EEA1: variants seen among roughly 807,000 people sequenced by gnomAD.
EEA1 encodes early endosome antigen 1, 162kD.
EEA1 carries 111 observed loss-of-function variants against 209.2 expected under a neutral mutation model. The observed-to-expected ratio is 0.53, with a 90% CI of 0.45 to 0.62. The LOEUF (loss-of-function observed/expected upper bound fraction) is 0.62. Ranked by LOEUF, EEA1 falls within the 20% of genes least tolerant of loss-of-function variation. The pLI, the probability that EEA1 is intolerant of heterozygous loss-of-function variation, is 0.00. For synonymous variants in EEA1, 536 were observed against 540.6 expected (o/e 0.99, Z 0.12); for missense variants, 1,343 against 1,530.8 (o/e 0.88, Z 2.05).
chr12:92,795,322 A>G (rs1416940460), intron 21 of EEA1, among the ~76,000 whole-genome samples: 1 of 152,178 alleles, frequency 6.6e-6, no homozygotes, highest in Non-Finnish European at 1.5e-5. Flanking sequence ...CCCAACCTTC[A>G]GTAGAATTAT....
intron 1 of EEA1, among the ~76,000 whole-genome samples, chr12:92,921,759 G>GAAAAAAAAAAAAAAA (rs751838383): frequency 7.6e-4 from 58 of 76,686 alleles, no homozygotes; most frequent in Non-Finnish European, 1.0e-3. Context: ...TAAAAAAAAA[G>GAAAAAAAAAAAAAAA]AAAAAAAAAA....
chr12:92,922,237 C>G (rs1379771143), intron 1 of EEA1, among the ~76,000 whole-genome samples: 1 of 152,134 alleles, frequency 6.6e-6, no homozygotes, highest in Non-Finnish European at 1.5e-5. Context: ...TATCTTCTTC[C>G]CCAACATTTT....
chr12:92,808,438 A>T (rs1454320034), intron 18 of EEA1, among the ~76,000 whole-genome samples: 1 of 151,840 alleles, frequency 6.6e-6, no homozygotes, highest in Non-Finnish European at 1.5e-5. Context: ...GTCTTCATAA[A>T]CATAGACAAT....
chr12:92,839,619 T>C (rs1877080281), intron 10 of EEA1, among the ~76,000 whole-genome samples: 1 of 152,232 alleles, frequency 6.6e-6, no homozygotes, highest in Non-Finnish European at 1.5e-5. Flanking sequence ...TGCTGAATTC[T>C]TTTGTTTTAG....
intron 12 of EEA1, among the ~76,000 whole-genome samples, chr12:92,826,708 C>T (rs1876318192): frequency 7.2e-6 from 1 of 138,536 alleles, no homozygotes; most frequent in Non-Finnish European, 1.6e-5. Context: ...GAAAGAGACT[C>T]CGTCTCAAAA....
Position 92,775,927 on chromosome 12 carries a change from A to G in EEA1, c.*84T>C. ...TAGTATTGCAACCAGTGTCCAAACC[A>G]AATAGTAGTCCAAGACCTCTATTAA... On this transcript the variant is annotated 3_prime_UTR_variant, in exon 29 of 29. Transcript: ENST00000322349. 6.9e-7 allele frequency: 1 copy of G among 1,445,542 alleles called. No homozygotes were observed. Among genetic ancestry groups the G allele is most frequent in the African/African-American group, 1.4e-5 (1 of 69,760 alleles). 89.5% of individuals were successfully genotyped at this position (1,445,542 alleles called of 1,614,324 possible).
At chr12:92,838,348 G>T (rs542938438) in intron 10 of EEA1, among the ~76,000 whole-genome samples, 19 of 152,194 alleles carry the variant, frequency 1.2e-4, no homozygotes, top group Non-Finnish European at 2.4e-4. Context: ...TAATAACACT[G>T]ATCATCAACA....
chr12:92,870,375 C>T (rs1396552521), intron 2 of EEA1, among the ~76,000 whole-genome samples: 4 of 152,084 alleles, frequency 2.6e-5, no homozygotes, highest in Non-Finnish European at 4.4e-5. Flanking sequence ...TCAAAGAAAA[C>T]ACATTATCAG....
At position 92,787,974 on chromosome 12, in the gene EEA1, A is replaced by G. The variant is rs543467954; in HGVS notation, c.3043T>C (p.Ser1015Pro). 5 of 1,612,994 alleles carry G rather than the reference A, an allele frequency of 3.1e-6. No individual in the cohort carries two copies. The highest frequency in any genetic ancestry group is 3.3e-5 in the Admixed American group (2 of 59,898). ...QELAAEKEKISVLQNNYEKSQ... is the reference protein window; with the variant it reads ...QELAAEKEKIPVLQNNYEKSQ... ...TTTTCATAGTTGTTTTGTAATACTG[A>G]TATTTTCTCTTTCTCTGCTGCAAGT... The change falls in exon 22 of 29, where the codon TCA (serine) becomes CCA (proline). Residue 1015 changes from serine (S) to proline (P), a missense_variant. Transcript: ENST00000322349.
rs191324446 is a variant in EEA1 at position 92,890,210 on chromosome 12, A to C, written c.117+1419T>G. On this transcript the variant is annotated intron_variant, in intron 2 of 28. Transcript: ENST00000322349. ...TTTGTTTTCATATGAATCATATTGAACAAATTTGTATGTTATTGGGAATTA... is the reference window on the plus strand; with the variant it reads ...TTTGTTTTCATATGAATCATATTGACCAAATTTGTATGTTATTGGGAATTA... Among the ~76,000 whole-genome samples, 738 of 152,274 alleles carry C rather than the reference A, an allele frequency of 4.8e-3. 5 individuals are homozygous for C. Among genetic ancestry groups the C allele is most frequent in the Non-Finnish European group, 9.2e-3 (624 of 68,014 alleles).
intron 1 of EEA1, among the ~76,000 whole-genome samples, chr12:92,921,950 A>G (rs948342850): frequency 2.6e-5 from 4 of 151,890 alleles, no homozygotes; most frequent in Non-Finnish European, 5.9e-5. Context: ...TAATGCATTT[A>G]ATATTTCAAT....
intron 10 of EEA1, among the ~76,000 whole-genome samples, chr12:92,838,506 G>A (rs1410954904): frequency 6.6e-6 from 1 of 152,118 alleles, no homozygotes; most frequent in East Asian, 1.9e-4. Flanking sequence ...TAGTTTGACA[G>A]GATATAAAAG....
intron 1 of EEA1, among the ~76,000 whole-genome samples, chr12:92,908,999 G>C (rs1043508141): frequency 6.6e-6 from 1 of 152,106 alleles, no homozygotes; most frequent in African/African-American, 2.4e-5. Context: ...AATTAGTAAA[G>C]ATGGGGTTTC....
At chr12:92,803,397 AG>A (rs1875035297) in intron 18 of EEA1, among the ~76,000 whole-genome samples, 1 of 152,108 alleles carries the variant, frequency 6.6e-6, no homozygotes, top group Non-Finnish European at 1.5e-5. Context: ...AGCTTTAGAA[AG>A]CTATAGACTT....
chr12:92,869,604 A>C (rs1416441321), intron 2 of EEA1, among the ~76,000 whole-genome samples: 4 of 150,980 alleles, frequency 2.6e-5, no homozygotes, highest in Non-Finnish European at 5.9e-5. Flanking sequence ...AAAATACAAA[A>C]AATTAGCTGG....
At chr12:92,829,247 C>T (rs1876487117) in intron 11 of EEA1, among the ~76,000 whole-genome samples, 1 of 151,856 alleles carries the variant, frequency 6.6e-6, no homozygotes, top group Admixed American at 6.6e-5. Flanking sequence ...GCAGAGGTTG[C>T]AGTGAGCTGA....
chr12:92,929,020 G>T, intron 1 of EEA1, 23 bp downstream of exon 1: 1 of 1,586,754 alleles, frequency 6.3e-7, no homozygotes, highest in Non-Finnish European at 8.6e-7. Context: ...CGTGCTGCCA[G>T]AAAGACGGTT....
chr12:92,853,030 A>C lies in EEA1; in HGVS notation c.407-5T>G. The C allele has an allele frequency of 6.4e-7, 1 of 1,564,746 alleles. No individual in the cohort carries two copies. Among genetic ancestry groups the C allele is most frequent in the South Asian group, 1.2e-5 (1 of 85,910 alleles). ...GCTGTTCCAAAGACTGTAGTTCTAC[A>C]AAAAAGTGTCGCAGTTATTCAAATA... On this transcript the variant is annotated splice_polypyrimidine_tract_variant and splice_region_variant and intron_variant, in intron 6 of 28. Transcript: ENST00000322349.
intron 13 of EEA1, among the ~76,000 whole-genome samples, chr12:92,821,827 A>G (rs1007598845): frequency 3.3e-5 from 5 of 149,906 alleles, no homozygotes; most frequent in African/African-American, 1.2e-4. Flanking sequence ...ATATATGTAT[A>G]TATAATTACA....
Sources: allele counts gnomAD v4.1 joint callset (sites outside exome capture counted in the v4.1 genomes callset), GRCh38; gene constraint gnomAD v4.1.1; transcripts MANE v1.5; gene names NCBI Gene and HGNC (gene_info 2026-07-23, HGNC 2026-07-21).